EYS: variants seen among roughly 807,000 people sequenced by gnomAD.
The protein encoded by EYS is EGF-like photoreceptor maintenance factor, also known as protein eyes shut homolog.
EYS carries 250 observed loss-of-function variants against 282.1 expected under a neutral mutation model. That is an observed-to-expected ratio of 0.89 (90% CI 0.80 to 0.98). The LOEUF (loss-of-function observed/expected upper bound fraction) is 0.98. Among genes scored for constraint, EYS ranks in the 50% least tolerant of loss-of-function variants. The pLI is 0.00. For synonymous variants in EYS, 1,355 were observed against 1,282.9 expected (o/e 1.06, Z -1.20); for missense variants, 4,016 against 3,709.0 (o/e 1.08, Z -2.15).
intron 28 of EYS, among the ~76,000 whole-genome samples, chr6:64,412,302 G>T (rs1218429130): frequency 6.6e-6 from 1 of 151,986 alleles, no homozygotes; most frequent in East Asian, 1.9e-4. Context: ...ACAAACTAGT[G>T]TAAGAAGTTT....
At chr6:64,296,371 CTTTTA>C (rs1768988394) in intron 30 of EYS, among the ~76,000 whole-genome samples, 1 of 151,858 alleles carries the variant, frequency 6.6e-6, no homozygotes, top group African/African-American at 2.4e-5. Context: ...CTTATCATTA[CTTTTA>C]TTTGTTTTGG....
rs550394070 is a variant in EYS at position 64,217,924 on chromosome 6, G to A, written c.6424+12668C>T. Among the ~76,000 whole-genome samples the A allele has an allele frequency of 2.0e-4, 31 of 152,272 alleles. No individual in the cohort carries two copies. In the South Asian group the frequency reaches 6.2e-3, roughly 31 times the overall value. ...CCAAAAGCATCATTCAGAAATAGTT[G>A]ATAGTGGGACACATGCTAGCAGAGC... On this transcript the variant is annotated intron_variant, in intron 31 of 42. Coordinates refer to ENST00000503581, the MANE Select transcript of EYS (RefSeq NM_001142800.2).
At chr6:64,318,668 A>C (rs1424081857) in intron 29 of EYS, among the ~76,000 whole-genome samples, 3 of 151,896 alleles carry the variant, frequency 2.0e-5, no homozygotes, top group African/African-American at 7.2e-5. Context: ...TTGGAGTTGA[A>C]ATGCCTTTTC....
At chr6:65,466,913 C>T (rs1043223580) in intron 5 of EYS, among the ~76,000 whole-genome samples, 24 of 152,186 alleles carry the variant, frequency 1.6e-4, no homozygotes, top group African/African-American at 5.5e-4. Flanking sequence ...GCAGTAGCAG[C>T]TTAGGCTTTA....
intron 1 of EYS, among the ~76,000 whole-genome samples, chr6:65,695,483 T>G (rs1769413742): frequency 6.6e-6 from 1 of 152,068 alleles, no homozygotes; most frequent in Non-Finnish European, 1.5e-5. Context: ...CAATGTAATC[T>G]TTTGATTTTT....
At chr6:63,849,299 GA>G (rs1355159545) in intron 36 of EYS, among the ~76,000 whole-genome samples, 1 of 152,204 alleles carries the variant, frequency 6.6e-6, no homozygotes, top group Non-Finnish European at 1.5e-5. Context: ...TGGCTCTGAA[GA>G]GAGCAGCAGA....
At chr6:64,964,589 C>T (rs568409267) in intron 14 of EYS, among the ~76,000 whole-genome samples, 21 of 152,168 alleles carry the variant, frequency 1.4e-4, no homozygotes, top group Admixed American at 5.9e-4. Flanking sequence ...GTCACAGTGG[C>T]GGCACCAGCA....
intron 12 of EYS, among the ~76,000 whole-genome samples, chr6:65,254,506 C>T (rs911887941): frequency 5.3e-5 from 8 of 151,774 alleles, no homozygotes; most frequent in African/African-American, 1.9e-4. Flanking sequence ...TGATAAATAA[C>T]TTTCTAAATT....
chr6:65,488,173 T>C (rs900526439), intron 5 of EYS, among the ~76,000 whole-genome samples: 2 of 152,168 alleles, frequency 1.3e-5, no homozygotes, highest in African/African-American at 4.8e-5. Context: ...CTCTATCTCC[T>C]TCAGTTCTGC....
At chr6:65,223,342 G>C (rs575594926) in intron 12 of EYS, among the ~76,000 whole-genome samples, 1 of 152,206 alleles carries the variant, frequency 6.6e-6, no homozygotes, top group South Asian at 2.1e-4. Context: ...ACTCCAGCCT[G>C]GGCAACAGAA....
chr6:65,312,367 T>G (rs1449329695), intron 11 of EYS, among the ~76,000 whole-genome samples: 11 of 152,102 alleles, frequency 7.2e-5, no homozygotes, highest in Non-Finnish European at 1.6e-4. Flanking sequence ...CATCTGGGTT[T>G]AGGGTCAGAG....
chr6:65,092,518 T>C (rs1410051503), intron 12 of EYS, among the ~76,000 whole-genome samples: 1 of 152,198 alleles, frequency 6.6e-6, no homozygotes, highest in African/African-American at 2.4e-5. Context: ...ATAACAATCA[T>C]CTTACTGCCA....
chr6:65,522,799 T>C (rs16896746), intron 2 of EYS, among the ~76,000 whole-genome samples: 18,721 of 152,144 alleles, frequency 0.12, 1,409 homozygotes, highest in African/African-American at 0.19. Flanking sequence ...CAAAATCTAA[T>C]GCATCTGAAA....
At chr6:65,067,003 A>G (rs1040361962) in intron 12 of EYS, among the ~76,000 whole-genome samples, 4 of 152,158 alleles carry the variant, frequency 2.6e-5, no homozygotes, top group South Asian at 2.1e-4. Flanking sequence ...ACTTCTAATC[A>G]GCTTAGGAAA....
At chr6:65,231,615 CA>C (rs913038360) in intron 12 of EYS, among the ~76,000 whole-genome samples, 1 of 151,666 alleles carries the variant, frequency 6.6e-6, no homozygotes, top group African/African-American at 2.4e-5. Context: ...AATGTGCTAT[CA>C]AGGTTTGAGA....
intron 22 of EYS, among the ~76,000 whole-genome samples, chr6:64,725,732 T>C (rs7753225): frequency 0.85 from 129,607 of 151,692 alleles, 55,531 homozygotes; most frequent in Non-Finnish European, 0.87. Flanking sequence ...TTGATTCTAC[T>C]TCATCCTCAA....
At chr6:64,741,604 C>G (rs1175641432) in intron 22 of EYS, among the ~76,000 whole-genome samples, 1 of 152,196 alleles carries the variant, frequency 6.6e-6, no homozygotes, top group Non-Finnish European at 1.5e-5. Context: ...CATTGCAAAT[C>G]TGTTATTTGG....
At chr6:65,182,067 G>A (rs1369442577) in intron 12 of EYS, among the ~76,000 whole-genome samples, 1 of 151,824 alleles carries the variant, frequency 6.6e-6, no homozygotes, top group Admixed American at 6.6e-5. Context: ...TTGGGTAGGG[G>A]TAGGGGGGAG....
At chr6:64,664,634 T>A (rs540262209) in intron 22 of EYS, among the ~76,000 whole-genome samples, 1 of 152,314 alleles carries the variant, frequency 6.6e-6, no homozygotes, top group African/African-American at 2.4e-5. Flanking sequence ...GGTGAGACTT[T>A]TACCAAATGA....
Sources: allele counts gnomAD v4.1 joint callset (sites outside exome capture counted in the v4.1 genomes callset), GRCh38; gene constraint gnomAD v4.1.1; transcripts MANE v1.5; gene names NCBI Gene and HGNC (gene_info 2026-07-23, HGNC 2026-07-21).